PARD3B: variants seen among roughly 807,000 people sequenced by gnomAD.
PARD3B encodes partitioning defective 3 homolog B.
PARD3B carries 103 observed loss-of-function variants against 130.2 expected under a neutral mutation model. That is an observed-to-expected ratio of 0.79 (90% confidence interval 0.67 to 0.93). The LOEUF (loss-of-function observed/expected upper bound fraction) is 0.93. Among genes scored for constraint, PARD3B ranks in the 40% least tolerant of loss-of-function variants. PARD3B has a pLI of 0.00. For synonymous variants in PARD3B, 583 were observed against 553.2 expected (o/e 1.05, Z -0.76); for missense variants, 1,609 against 1,499.2 (o/e 1.07, Z -1.21).
chr2:204,602,025 G>A (rs1422780807), intron 1 of PARD3B, among the ~76,000 whole-genome samples: 1 of 151,988 alleles, frequency 6.6e-6, no homozygotes, highest in East Asian at 1.9e-4. Flanking sequence ...CATTGACTTT[G>A]ATCCTGTCAT....
chr2:205,575,685 A>G lies in PARD3B; in HGVS notation c.3260+22282A>G, dbSNP rs1285549327. ...TATAATATGCATTTAAGTTTCCTCC[A>G]TGCTTTTTCATGGCTTGATAGCTCA... On this transcript the variant is annotated intron_variant, in intron 22 of 22. Transcript: ENST00000406610. This position sits in a 1 kb window ranked among gnomAD's most constrained non-coding sequence, Gnocchi z 4.6. 2.6e-5 allele frequency among the ~76,000 whole-genome samples: 4 copies of G among 152,042 alleles called. No individual in the cohort carries two copies. Among genetic ancestry groups the G allele is most frequent in the Admixed American group, 2.0e-4 (3 of 15,256 alleles).
At chr2:204,694,992 C>T (rs1418139988) in intron 2 of PARD3B, among the ~76,000 whole-genome samples, 1 of 151,894 alleles carries the variant, frequency 6.6e-6, no homozygotes, top group African/African-American at 2.4e-5. Flanking sequence ...AAGAGTAAAC[C>T]ATAAGAAAAT....
intron 18 of PARD3B, among the ~76,000 whole-genome samples, chr2:205,369,553 C>A (rs2044733204): frequency 6.6e-6 from 1 of 152,192 alleles, no homozygotes; most frequent in Non-Finnish European, 1.5e-5. Flanking sequence ...TTGTTCTCCA[C>A]TTGTAAATTC....
chr2:205,581,239 T>C (rs1412288152), intron 22 of PARD3B, among the ~76,000 whole-genome samples: 1 of 68,742 alleles, frequency 1.5e-5, no homozygotes, highest in African/African-American at 4.1e-5. Flanking sequence ...GAGATATATA[T>C]AGATATATAT....
Position 205,405,812 on chromosome 2 carries a change from G to T in PARD3B, c.2741+4689G>T, listed in dbSNP as rs954654011. On this transcript the variant is annotated intron_variant, in intron 19 of 22. Coordinates refer to ENST00000406610, the MANE Select transcript of PARD3B (RefSeq NM_001302769.2). This position sits in a 1 kb window ranked among gnomAD's most constrained non-coding sequence, Gnocchi z 4.1. ...AAGTCTTGCATTTAGGTCCAAAAATGAACTACACATACACAGGATGTGGAA... is the reference window on the plus strand; with the variant it reads ...AAGTCTTGCATTTAGGTCCAAAAATTAACTACACATACACAGGATGTGGAA... Among the ~76,000 whole-genome samples, 9 of 152,156 alleles carry T rather than the reference G, an allele frequency of 5.9e-5. No homozygotes were observed. The highest frequency in any genetic ancestry group is 5.9e-4 in the Admixed American group (9 of 15,272).
intron 18 of PARD3B, among the ~76,000 whole-genome samples, chr2:205,358,726 C>T (rs1165307791): frequency 6.6e-6 from 1 of 152,172 alleles, no homozygotes; most frequent in African/African-American, 2.4e-5. Context: ...GCTTTCCCAC[C>T]CCCGTCTTTT....
chr2:205,344,940 C>A (rs576472357), intron 18 of PARD3B, among the ~76,000 whole-genome samples: 1 of 152,146 alleles, frequency 6.6e-6, no homozygotes, highest in Non-Finnish European at 1.5e-5. Flanking sequence ...CCCTTCATAG[C>A]ATTTAACTTT....
chr2:205,597,521 ATTTACC>A (rs1435902547), intron 22 of PARD3B, among the ~76,000 whole-genome samples: 1 of 152,150 alleles, frequency 6.6e-6, no homozygotes, highest in Non-Finnish European at 1.5e-5. Flanking sequence ...TGAATGATTT[ATTTACC>A]TTTGGGTATA....
intron 2 of PARD3B, among the ~76,000 whole-genome samples, chr2:204,773,718 T>C (rs2041491632): frequency 6.6e-6 from 1 of 152,124 alleles, no homozygotes; most frequent in East Asian, 1.9e-4. Flanking sequence ...GGACAGTAAT[T>C]GAAGCCAACA....
intron 15 of PARD3B, among the ~76,000 whole-genome samples, chr2:205,212,105 G>C (rs1466049221): frequency 1.3e-5 from 2 of 151,956 alleles, no homozygotes; most frequent in African/African-American, 4.8e-5. Flanking sequence ...GGAAATCTTA[G>C]GTGCCCAGTC....
Position 205,383,113 on chromosome 2 carries a change from T to TAGATAGATAGATAGATAGAG in PARD3B, c.2631-17881_2631-17880insGAGATAGATAGATAGATAGA, listed in dbSNP as rs1186717819. Among the ~76,000 whole-genome samples the TAGATAGATAGATAGATAGAG allele has an allele frequency of 9.5e-4, 142 of 149,552 alleles. 2 individuals are homozygous for TAGATAGATAGATAGATAGAG. Among genetic ancestry groups the TAGATAGATAGATAGATAGAG allele is most frequent in the African/African-American group, 1.4e-3 (59 of 40,854 alleles). ...ATAGATAGATAGATAGATAGATAGA[T>TAGATAGATAGATAGATAGAG]AGATAGATAGATAGATAGATAGATA... On this transcript the variant is annotated intron_variant, in intron 18 of 22. Coordinates refer to ENST00000406610, the MANE Select transcript of PARD3B (RefSeq NM_001302769.2).
intron 3 of PARD3B, among the ~76,000 whole-genome samples, chr2:204,992,433 C>T (rs1015187341): frequency 7.6e-6 from 1 of 131,582 alleles, no homozygotes; most frequent in Non-Finnish European, 1.6e-5. Flanking sequence ...TTCCATTGAT[C>T]TATATCTCTG....
intron 18 of PARD3B, among the ~76,000 whole-genome samples, chr2:205,335,771 T>G (rs1054728414): frequency 2.0e-5 from 3 of 152,122 alleles, no homozygotes; most frequent in African/African-American, 7.2e-5. Flanking sequence ...AGAGAGCTTG[T>G]GCAGGGAAAC....
chr2:205,605,010 C>G (rs147448919), intron 22 of PARD3B, among the ~76,000 whole-genome samples: 49 of 152,288 alleles, frequency 3.2e-4, no homozygotes, highest in African/African-American at 1.1e-3. Context: ...GCTATTGATA[C>G]TTGTGGTTGC....
intron 2 of PARD3B, among the ~76,000 whole-genome samples, chr2:204,914,232 GT>G: frequency 6.6e-6 from 1 of 151,904 alleles, no homozygotes; most frequent in African/African-American, 2.4e-5. Context: ...TTGATGAGTT[GT>G]TTTTTTTCCT....
chr2:204,860,049 A>G (rs1271640739), intron 2 of PARD3B, among the ~76,000 whole-genome samples: 2 of 152,210 alleles, frequency 1.3e-5, no homozygotes, highest in Non-Finnish European at 2.9e-5. Context: ...AATCAGGATT[A>G]ACTGTAGAAA....
At position 205,032,813 on chromosome 2, in the gene PARD3B, C is replaced by G. The variant is rs181174507; in HGVS notation, c.395-14768C>G. On this transcript the variant is annotated intron_variant, in intron 3 of 22. Transcript: ENST00000406610. ...CATTTTTTTCCAGTCTTGCCAGGAA[C>G]TTTGAATGATCCAATAAAAGGTAAT... 1.7e-4 allele frequency among the ~76,000 whole-genome samples: 26 copies of G among 152,286 alleles called. 1 individual carries two copies. The East Asian group carries it at 5.0e-3, about 29-fold the overall frequency.
rs746445184 is a variant in PARD3B at position 205,440,355 on chromosome 2, T to C, written c.2742-15T>C. 1.9e-6 allele frequency: 3 copies of C among 1,611,800 alleles called. No homozygotes were observed. In the East Asian group the frequency reaches 6.7e-5, roughly 36 times the overall value. On this transcript the variant is annotated splice_polypyrimidine_tract_variant and intron_variant, in intron 19 of 22. Coordinates refer to ENST00000406610, the MANE Select transcript of PARD3B (RefSeq NM_001302769.2). This position sits in a 1 kb window ranked among gnomAD's most constrained non-coding sequence, Gnocchi z 4.2. Reference sequence around the variant, plus strand: ...AACTCACATACATCTTTGCTACCTGTACTGTATTTTTCAGGATTGGAGCAA... The same window carrying C: ...AACTCACATACATCTTTGCTACCTGCACTGTATTTTTCAGGATTGGAGCAA...
intron 20 of PARD3B, among the ~76,000 whole-genome samples, chr2:205,484,555 G>A (rs1361832320): frequency 6.6e-6 from 1 of 152,162 alleles, no homozygotes; most frequent in Non-Finnish European, 1.5e-5. Context: ...AAAATCATCT[G>A]TAGTTTTTAT....
Sources: gnomAD v4.1 joint callset for allele counts (sites outside exome capture counted in the v4.1 genomes callset) on GRCh38, gnomAD v4.1.1 for gene constraint, Gnocchi (gnomAD v3.1) non-coding constraint, MANE v1.5 for transcripts, NCBI Gene and HGNC (gene_info 2026-07-23, HGNC 2026-07-21) for gene names.